LMTK2: variants seen among roughly 807,000 people sequenced by gnomAD.
The protein encoded by LMTK2 is serine/threonine-protein kinase LMTK2.
In LMTK2, 37 loss-of-function variants were observed where a neutral mutation model predicts 127.5. The ratio of observed to expected loss-of-function variants is 0.29; its 90% CI spans 0.22 to 0.38. The LOEUF is 0.38. Ranked by LOEUF, LMTK2 falls within the 10% of genes least tolerant of loss-of-function variation. LMTK2 has a pLI of 1.00. For missense variants in LMTK2, 1,694 were observed against 1,920.3 expected (o/e 0.88, Z 2.20); for synonymous variants, 819 against 810.1 (o/e 1.01, Z -0.19).
chr7:98,181,010 C>T (rs577105736), intron 7 of LMTK2, among the ~76,000 whole-genome samples: 11 of 152,044 alleles, frequency 7.2e-5, no homozygotes, highest in Admixed American at 5.9e-4. Context: ...AGCCCTTCTG[C>T]GGAGCCCTTC....
At chr7:98,116,909 C>G (rs1366265764) in intron 1 of LMTK2, among the ~76,000 whole-genome samples, 1 of 152,206 alleles carries the variant, frequency 6.6e-6, no homozygotes, top group East Asian at 1.9e-4. Context: ...TAGAATGTCC[C>G]TCAACTGGGA....
chr7:98,154,854 T>C lies in LMTK2; in HGVS notation c.547T>C (p.Leu183=), dbSNP rs1409983315. The change falls in exon 5 of 14, where the codon TTG becomes CTG. Residue 183 remains leucine (L), a synonymous_variant. Transcript: ENST00000297293. ...CAACCCAAAGGAACAAGATACTTTTTTGAAAAATGGAGAACCTTACTAGTA... is the reference window on the plus strand; with the variant it reads ...CAACCCAAAGGAACAAGATACTTTTCTGAAAAATGGAGAACCTTACTAGTA... ...SANPKEQDTF[L]KNGEPYYILQ... is the part of the protein sequence containing the mutation. 1.9e-6 allele frequency: 3 copies of C among 1,609,530 alleles called. No individual in the cohort carries two copies. The highest frequency in any genetic ancestry group is 2.2e-5 in the East Asian group (1 of 44,844).
chr7:98,120,400 C>G (rs769872511), intron 1 of LMTK2, among the ~76,000 whole-genome samples: 1 of 151,988 alleles, frequency 6.6e-6, no homozygotes, highest in Non-Finnish European at 1.5e-5. Context: ...GAAGTAAATC[C>G]CCAAGACATC....
intron 11 of LMTK2, among the ~76,000 whole-genome samples, chr7:98,201,830 G>C (rs527780390): frequency 3.3e-5 from 5 of 152,092 alleles, no homozygotes; most frequent in Admixed American, 2.6e-4. Flanking sequence ...GGCTGGTTTT[G>C]AACTCCTGGC....
chr7:98,199,160 A>G (rs1797672971), intron 11 of LMTK2, among the ~76,000 whole-genome samples: 2 of 152,122 alleles, frequency 1.3e-5, no homozygotes, highest in Admixed American at 6.6e-5. Flanking sequence ...GAATTATTCC[A>G]TGTATACCTG....
At chr7:98,155,270 C>T (rs931113219) in intron 5 of LMTK2, among the ~76,000 whole-genome samples, 12 of 152,164 alleles carry the variant, frequency 7.9e-5, no homozygotes, top group Admixed American at 7.9e-4. Flanking sequence ...AGGAACTCAT[C>T]ATTTCAGTTA....
intron 1 of LMTK2, among the ~76,000 whole-genome samples, chr7:98,130,895 G>A (rs1175792218): frequency 1.3e-5 from 2 of 152,190 alleles, no homozygotes; most frequent in Non-Finnish European, 2.9e-5. Flanking sequence ...GCACGTTAAT[G>A]GCCATATCAA....
In LMTK2 at chr7:98,192,886, G is replaced by A. The variant is rs772644064; in HGVS notation, c.2421G>A (p.Leu807=). Reference sequence around the variant, plus strand: ...CAGGTGACACTTTGAGCACCTCATTGCAGTCTTCCCCGGAAGTGCAGGTAC... The same window carrying A: ...CAGGTGACACTTTGAGCACCTCATTACAGTCTTCCCCGGAAGTGCAGGTAC... ...MLTGDTLSTS[L]QSSPEVQVPP... Residue 807 remains leucine (L), a synonymous_variant, in exon 11 of 14, where the codon TTG becomes TTA. Transcript: ENST00000297293. The A allele has an allele frequency of 3.1e-6, 5 of 1,614,138 alleles. No homozygotes were observed. Among genetic ancestry groups the A allele is most frequent in the Non-Finnish European group, 4.2e-6 (5 of 1,180,012 alleles).
At chr7:98,143,071 G>T (rs1206419546) in intron 3 of LMTK2, among the ~76,000 whole-genome samples, 1 of 152,208 alleles carries the variant, frequency 6.6e-6, no homozygotes, top group Non-Finnish European at 1.5e-5. Flanking sequence ...TTCTCTTCAG[G>T]ATCTACTGGG....
At chr7:98,111,645 C>T (rs1302407307) in intron 1 of LMTK2, among the ~76,000 whole-genome samples, 1 of 152,114 alleles carries the variant, frequency 6.6e-6, no homozygotes, top group African/African-American at 2.4e-5. Context: ...CAGTGGTGTA[C>T]CCTCTCACAC....
At chr7:98,175,111 G>C (rs1180415363) in intron 7 of LMTK2, among the ~76,000 whole-genome samples, 2 of 152,144 alleles carry the variant, frequency 1.3e-5, no homozygotes, top group Non-Finnish European at 2.9e-5. Context: ...CCACTCATTT[G>C]ATCATTTGAT....
At chr7:98,133,820 T>C (rs1796560643) in intron 1 of LMTK2, among the ~76,000 whole-genome samples, 1 of 152,144 alleles carries the variant, frequency 6.6e-6, no homozygotes, top group East Asian at 1.9e-4. Flanking sequence ...AGAGGACACT[T>C]TCATGAATCA....
chr7:98,154,172 T>C (rs977683504), intron 4 of LMTK2, among the ~76,000 whole-genome samples: 2 of 152,214 alleles, frequency 1.3e-5, no homozygotes, highest in African/African-American at 4.8e-5. Flanking sequence ...CTAGTTCTCA[T>C]GTGAGGCAGC....
chr7:98,171,685 G>C lies in LMTK2; in HGVS notation c.791+11G>C. The C allele has an allele frequency of 1.9e-6, 3 of 1,564,472 alleles. No homozygotes were observed. Among genetic ancestry groups the C allele is most frequent in the Non-Finnish European group, 1.7e-6 (2 of 1,157,534 alleles). On this transcript the variant is annotated intron_variant, in intron 7 of 13. Transcript: ENST00000297293. The surrounding 1 kb of genome is among the most constrained non-coding windows in gnomAD (Gnocchi z 5.1). ...GCACTTCCTGCACAGGTGGGTACCTGCGTCAGCGGTGCACGCCCCACACAG... is the reference window on the plus strand; with the variant it reads ...GCACTTCCTGCACAGGTGGGTACCTCCGTCAGCGGTGCACGCCCCACACAG...
At chr7:98,152,536 C>T (rs1344674121) in intron 4 of LMTK2, among the ~76,000 whole-genome samples, 4 of 152,140 alleles carry the variant, frequency 2.6e-5, no homozygotes, top group Admixed American at 2.6e-4. Context: ...TGGGTCAAAC[C>T]TTGACCTGTG....
intron 1 of LMTK2, among the ~76,000 whole-genome samples, chr7:98,132,486 C>T (rs931493275): frequency 7.2e-5 from 11 of 152,066 alleles, no homozygotes; most frequent in African/African-American, 2.7e-4. Flanking sequence ...CCTGACCTTG[C>T]GGTCCCCCGA....
At chr7:98,170,180 A>G (rs964295817) in intron 6 of LMTK2, among the ~76,000 whole-genome samples, 3 of 152,262 alleles carry the variant, frequency 2.0e-5, no homozygotes, top group Non-Finnish European at 4.4e-5. Context: ...CCTAAGCCTC[A>G]GTTCCATATC....
Position 98,194,991 on chromosome 7 carries a change from G to C in LMTK2, c.4107+419G>C, listed in dbSNP as rs952464331. Among the ~76,000 whole-genome samples, 1 of 151,972 alleles carries C rather than the reference G, an allele frequency of 6.6e-6. No homozygotes were observed. The highest frequency in any genetic ancestry group is 2.4e-5 in the African/African-American group (1 of 41,358). ...TCCTCCCACCTTCCATAATAGCTGG[G>C]CCCACAGGTTCATGCCACCATGGCT... On this transcript the variant is annotated intron_variant, in intron 11 of 13. Coordinates refer to ENST00000297293, the MANE Select transcript of LMTK2 (RefSeq NM_014916.4). The surrounding 1 kb of genome is among the most constrained non-coding windows in gnomAD (Gnocchi z 5.4).
At chr7:98,136,939 T>G (rs114757268) in intron 1 of LMTK2, among the ~76,000 whole-genome samples, 97 of 152,260 alleles carry the variant, frequency 6.4e-4, no homozygotes, top group African/African-American at 2.2e-3. Flanking sequence ...GGATTGAGTC[T>G]GAAAAGAAAA....
Sources: gnomAD v4.1 joint callset for allele counts (sites outside exome capture counted in the v4.1 genomes callset) on GRCh38, gnomAD v4.1.1 for gene constraint, Gnocchi (gnomAD v3.1) non-coding constraint, MANE v1.5 for transcripts, NCBI Gene and HGNC (gene_info 2026-07-23, HGNC 2026-07-21) for gene names.